The following DNAH7 variants were observed in gnomAD, a reference collection of about 807,000 sequenced individuals.
DNAH7 encodes the protein axonemal beta dynein heavy chain 7.
Under a neutral mutation model 444.6 loss-of-function variants are expected in DNAH7, and 397 were observed. That is an observed-to-expected ratio of 0.89 (90% CI 0.82 to 0.97). The LOEUF is 0.97. DNAH7 is among the 50% of genes least tolerant of loss of function. The pLI, the probability that DNAH7 is intolerant of heterozygous loss-of-function variation, is 0.00. For missense variants in DNAH7, 4,902 were observed against 4,800.8 expected, an observed-to-expected ratio of 1.02 and a Z score of -0.62; for synonymous variants, 1,636 against 1,624.4, an observed-to-expected ratio of 1.01 and a Z score of -0.17.
At chr2:195,858,199 G>A (rs181155015) in intron 43 of DNAH7, among the ~76,000 whole-genome samples, 2 of 152,240 alleles carry the variant, frequency 1.3e-5, no homozygotes, top group African/African-American at 4.8e-5. Context: ...GTTGATTACT[G>A]CAGTGCAAAG....
chr2:195,859,991 A>G (rs1699928491), intron 42 of DNAH7, among the ~76,000 whole-genome samples: 1 of 152,204 alleles, frequency 6.6e-6, no homozygotes, highest in Non-Finnish European at 1.5e-5. Flanking sequence ...TATGGGAAGA[A>G]TAATCACAGG....
chr2:195,748,071 T>G (rs1693538257), intron 63 of DNAH7, among the ~76,000 whole-genome samples: 1 of 152,206 alleles, frequency 6.6e-6, no homozygotes, highest in South Asian at 2.1e-4. Flanking sequence ...GACATGATTG[T>G]ATATCTAGAA....
intron 19 of DNAH7, among the ~76,000 whole-genome samples, chr2:195,944,185 T>A (rs899867140): frequency 6.6e-6 from 1 of 152,152 alleles, no homozygotes; most frequent in Non-Finnish European, 1.5e-5. Flanking sequence ...TATTGTTAAG[T>A]CCACCCCTAA....
chr2:195,988,046 G>A lies in DNAH7; in HGVS notation c.1537C>T (p.Leu513Phe), dbSNP rs1169215257. The A allele has an allele frequency of 6.2e-7, 1 of 1,613,230 alleles. No homozygotes were observed. The highest frequency in any genetic ancestry group is 8.5e-7 in the Non-Finnish European group (1 of 1,179,680). Residue 513 changes from leucine to phenylalanine, a missense_variant, in exon 13 of 65, where the codon CTC (leucine) becomes TTC (phenylalanine). Physicochemically the swap from Leu to Phe is conservative, Grantham distance 22. Coordinates refer to ENST00000312428, the MANE Select transcript of DNAH7 (RefSeq NM_018897.3). ...RKAERDVDNFLAENHSYEKII... is the reference protein window; with the variant it reads ...RKAERDVDNFFAENHSYEKII... ...TTTTCATAACTATGATTTTCTGCGA[G>A]GAAGTTATCAACATCTCGCTCAGCT...
At chr2:195,933,383 G>C (rs2125401173) in intron 21 of DNAH7, among the ~76,000 whole-genome samples, 1 of 152,258 alleles carries the variant, frequency 6.6e-6, no homozygotes, top group East Asian at 1.9e-4. Context: ...ATTTGACCCA[G>C]CCATCCCATT....
intron 58 of DNAH7, among the ~76,000 whole-genome samples, chr2:195,785,031 C>A (rs1292701297): frequency 6.6e-6 from 1 of 151,996 alleles, no homozygotes. Flanking sequence ...CCTGCCTCAG[C>A]CTCCCGAGTA....
chr2:195,806,569 A>G (rs1220689488), intron 54 of DNAH7, among the ~76,000 whole-genome samples, 171 bp downstream of exon 54: 3 of 152,246 alleles, frequency 2.0e-5, no homozygotes, highest in Admixed American at 6.5e-5. Flanking sequence ...GGATGGTTTT[A>G]GAAAAATATA....
chr2:196,030,754 C>T (rs1696000627), intron 5 of DNAH7, among the ~76,000 whole-genome samples: 1 of 152,238 alleles, frequency 6.6e-6, no homozygotes, highest in Non-Finnish European at 1.5e-5. Context: ...CCTTTGACTC[C>T]AGGTCTCACA....
Position 196,024,420 on chromosome 2 carries a change from A to T in DNAH7, c.743+9T>A, listed in dbSNP as rs781366785. ...TAATCAACATTCTTAGAGAAATCTG[A>T]TCACTTACTCAGCACGATGGGCTGG... On this transcript the variant is annotated intron_variant, in intron 8 of 64. Transcript: ENST00000312428. 1 of 1,553,960 alleles carries T rather than the reference A, an allele frequency of 6.4e-7. No homozygotes were observed. The highest frequency in any genetic ancestry group is 1.3e-5 in the South Asian group (1 of 79,996).
In DNAH7 at chr2:195,808,677, C is replaced by T; in HGVS notation, c.10083+5G>A. On this transcript the variant is annotated splice_donor_5th_base_variant and intron_variant, in intron 53 of 64. Transcript: ENST00000312428. ...ATTGGAATAAGTGAGAGGGTTAAAACATACCAAACTATCATATACTTTCTT... is the reference window on the plus strand; with the variant it reads ...ATTGGAATAAGTGAGAGGGTTAAAATATACCAAACTATCATATACTTTCTT... 1 of 1,613,370 alleles carries T rather than the reference C, an allele frequency of 6.2e-7. No individual in the cohort carries two copies.
chr2:195,907,200 C>A lies in DNAH7; in HGVS notation c.4105-191G>T, dbSNP rs188062245. ...TTCTGCACGAATAAAAGAGTTTGAT[C>A]AATTGGAAAATTTTCCAATTAACAT... On this transcript the variant is annotated intron_variant, in intron 25 of 64. Transcript: ENST00000312428. Among the ~76,000 whole-genome samples the A allele has an allele frequency of 2.1e-3, 316 of 151,980 alleles. 1 individual carries two copies. Among genetic ancestry groups the A allele is most frequent in the African/African-American group, 7.1e-3 (296 of 41,452 alleles).
intron 10 of DNAH7, among the ~76,000 whole-genome samples, chr2:196,004,637 G>A (rs902259676): frequency 1.3e-5 from 2 of 152,154 alleles, no homozygotes; most frequent in African/African-American, 4.8e-5. Context: ...ATTTTTAGCT[G>A]TAAACACCTA....
chr2:195,971,821 G>C (rs985454691), intron 16 of DNAH7, among the ~76,000 whole-genome samples: 1 of 152,016 alleles, frequency 6.6e-6, no homozygotes, highest in Non-Finnish European at 1.5e-5. Context: ...TGACGATTCT[G>C]GGCACAATGC....
chr2:195,984,704 G>A lies in DNAH7; in HGVS notation c.1761C>T (p.Cys587=), dbSNP rs200619172. 216 of 1,613,414 alleles carry A rather than the reference G, an allele frequency of 1.3e-4. No homozygotes were observed. The highest frequency in any genetic ancestry group is 3.0e-4 in the Admixed American group (18 of 59,996). The part of the protein sequence containing the change: ...RDHQEVNTRL[C]DEFERIAEKA... ...TTTCAGCTATCCTCTCAAATTCATC[G>A]CATAATCTGAAACACCAAGTAAAAC... Residue 587 remains cysteine (C), a synonymous_variant, in exon 15 of 65, where the codon TGC becomes TGT. Coordinates refer to ENST00000312428, the MANE Select transcript of DNAH7 (RefSeq NM_018897.3).
At chr2:195,964,604 C>T (rs990510720) in intron 17 of DNAH7, among the ~76,000 whole-genome samples, 13 of 147,112 alleles carry the variant, frequency 8.8e-5, no homozygotes, top group Non-Finnish European at 1.2e-4. Context: ...CGGTGGCTCA[C>T]GCCTGTAATC....
chr2:195,901,784 C>T (rs1280180818), intron 27 of DNAH7: 1 of 151,910 alleles, frequency 6.6e-6, no homozygotes, highest in East Asian at 1.9e-4. Context: ...GGAAAGAAAA[C>T]CGGAAATAAG....
At chr2:195,876,834 G>A (rs1366460183) in intron 36 of DNAH7, 135 bp from the exon 37 acceptor site, 1 of 633,350 alleles carries the variant, frequency 1.6e-6, no homozygotes, top group Admixed American at 2.9e-5. Context: ...GATGGAATCA[G>A]TAGGAATAAC....
intron 51 of DNAH7, among the ~76,000 whole-genome samples, chr2:195,812,090 A>G (rs1696997953): frequency 6.6e-6 from 1 of 152,086 alleles, no homozygotes; most frequent in African/African-American, 2.4e-5. Flanking sequence ...CTAGACCAGC[A>G]ACTCCTCTGG....
intron 12 of DNAH7, chr2:195,995,733 A>G (rs1693656424): frequency 6.2e-6 from 1 of 160,904 alleles, no homozygotes; most frequent in African/African-American, 2.4e-5. Context: ...GTCCCAGGCC[A>G]GGAAGCCTGT....
Sources: gnomAD v4.1 joint callset for allele counts (sites outside exome capture counted in the v4.1 genomes callset) on GRCh38, gnomAD v4.1.1 for gene constraint, MANE v1.5 for transcripts, NCBI Gene and HGNC (gene_info 2026-07-23, HGNC 2026-07-21) for gene names.